The following PARL variants were observed in gnomAD, a reference collection of about 807,000 sequenced individuals.
PARL encodes presenilin-associated rhomboid-like protein, mitochondrial.
In PARL, 44 loss-of-function variants were observed where a neutral mutation model predicts 51.6. The ratio of observed to expected loss-of-function variants is 0.85; its 90% CI spans 0.67 to 1.10. The LOEUF is 1.10. Ranked by LOEUF, PARL falls within the 50% of genes least tolerant of loss-of-function variation. The probability of loss-of-function intolerance (pLI) is 0.00; values close to 1 mark genes in which losing one functional copy is unlikely to be tolerated. For synonymous variants in PARL, 172 were observed against 164.0 expected, an observed-to-expected ratio of 1.05 and a Z score of -0.37; for missense variants, 441 against 469.5, an observed-to-expected ratio of 0.94 and a Z score of 0.56.
At chr3:183,854,647 T>C (rs1339308485) in intron 4 of PARL, among the ~76,000 whole-genome samples, 1 of 151,952 alleles carries the variant, frequency 6.6e-6, no homozygotes. Context: ...GAAAAAGTTC[T>C]AGAGATTGGT....
chr3:183,829,482 G>A lies in PARL; in HGVS notation c.*116C>T, dbSNP rs962102379. The A allele has an allele frequency of 2.5e-6, 4 of 1,609,602 alleles. No individual in the cohort carries two copies. Among genetic ancestry groups the A allele is most frequent in the South Asian group, 2.2e-5 (2 of 90,608 alleles). On this transcript the variant is annotated 3_prime_UTR_variant, in exon 10 of 10. Coordinates refer to ENST00000317096, the MANE Select transcript of PARL (RefSeq NM_018622.7). ...TGGGGGACACAGCTGAAAACAGTGG[G>A]AGGCCAGATGCTGGCATCTTCCAGA... is the stretch of plus-strand genomic sequence containing the variant.
intron 3 of PARL, among the ~76,000 whole-genome samples, chr3:183,866,004 T>C (rs1490372923): frequency 6.6e-6 from 1 of 151,908 alleles, no homozygotes; most frequent in Non-Finnish European, 1.5e-5. Context: ...CTCAGCTTCC[T>C]GAGTAGCTGG....
downstream of PARL, among the ~76,000 whole-genome samples, chr3:183,826,972 AG>A (rs567278324): frequency 5.3e-5 from 8 of 152,272 alleles, no homozygotes; most frequent in East Asian, 1.4e-3. Flanking sequence ...GAGGGACGGA[AG>A]GAAGTGTAAT....
chr3:183,874,798 A>G (rs1237261002), intron 1 of PARL, among the ~76,000 whole-genome samples: 1 of 152,232 alleles, frequency 6.6e-6, no homozygotes, highest in Non-Finnish European at 1.5e-5. Context: ...CTTGCCAGAC[A>G]TGGTGGCTCA....
At position 183,832,287 on chromosome 3, in the gene PARL, C is replaced by T. The variant is rs533458955; in HGVS notation, c.1028+1205G>A. ...AGGCTGGAGTGCAGTGGCGTGATCTCGGCTCACTGCAAGCTCTGCCTTCTG... is the reference window on the plus strand; with the variant it reads ...AGGCTGGAGTGCAGTGGCGTGATCTTGGCTCACTGCAAGCTCTGCCTTCTG... On this transcript the variant is annotated intron_variant, in intron 9 of 9. Transcript: ENST00000317096. Among the ~76,000 whole-genome samples the T allele has an allele frequency of 7.0e-4, 105 of 150,960 alleles. 2 individuals are homozygous for T. In the South Asian group the frequency reaches 7.9e-3, roughly 11 times the overall value.
chr3:183,855,749 C>T (rs1048375541), intron 4 of PARL, among the ~76,000 whole-genome samples: 5 of 151,952 alleles, frequency 3.3e-5, no homozygotes, highest in East Asian at 1.9e-4. Flanking sequence ...ATAAGGAGTA[C>T]ACAACCTAGA....
intron 1 of PARL, among the ~76,000 whole-genome samples, chr3:183,870,598 T>C (rs1231952754): frequency 6.6e-6 from 1 of 152,118 alleles, no homozygotes; most frequent in Non-Finnish European, 1.5e-5. Context: ...CAGATCTCCT[T>C]GCTTCCAGTA....
At chr3:183,848,372 G>T (rs1053594949) in intron 4 of PARL, among the ~76,000 whole-genome samples, 4 of 152,156 alleles carry the variant, frequency 2.6e-5, no homozygotes, top group African/African-American at 9.7e-5. Flanking sequence ...CTCCCGAGTA[G>T]CTGGGACTAC....
chr3:183,857,276 T>G (rs1731279363), intron 4 of PARL, among the ~76,000 whole-genome samples: 3 of 152,172 alleles, frequency 2.0e-5, no homozygotes, highest in African/African-American at 7.2e-5. Context: ...CAAAAAAGCC[T>G]GATGTGCTGG....
intron 4 of PARL, among the ~76,000 whole-genome samples, chr3:183,845,921 T>A (rs1729895719): frequency 6.6e-6 from 1 of 152,116 alleles, no homozygotes; most frequent in African/African-American, 2.4e-5. Context: ...ATCATAAAGA[T>A]CGGATTGCTA....
rs758966666 is a variant in PARL, at chr3:183,829,511, G to A, written c.*87C>T. 162 of 1,612,978 alleles carry A rather than the reference G, an allele frequency of 1.0e-4. No individual in the cohort carries two copies. The highest frequency in any genetic ancestry group is 1.3e-4 in the Non-Finnish European group (156 of 1,179,878). ...CCAGATGCTGGCATCTTCCAGACGG[G>A]AGCATAGCCATGGTCACTCTAGCCG... On this transcript the variant is annotated 3_prime_UTR_variant, in exon 10 of 10. Coordinates refer to ENST00000317096, the MANE Select transcript of PARL (RefSeq NM_018622.7).
intron 5 of PARL, among the ~76,000 whole-genome samples, chr3:183,842,928 G>A (rs1577305395): frequency 6.8e-6 from 1 of 146,856 alleles, no homozygotes; most frequent in African/African-American, 2.5e-5. Flanking sequence ...GGAGTGCAGT[G>A]GCACGATCTT....
Position 183,833,496 on chromosome 3 carries a change from CAA to C in PARL, c.1022_1023del (p.Phe341TrpfsTer10), listed in dbSNP as rs1352150108. ...ATCAATTACACTCAAACTTACATTC[CAA>C]AAAGAGCTCCCCCAAGATGTGCCGC... ...DHAAHLGGAL[F>X]GIWYVTYGHE... On this transcript the variant is annotated frameshift_variant, in exon 9 of 10. Coordinates refer to ENST00000317096, the MANE Select transcript of PARL (RefSeq NM_018622.7). LOFTEE classifies it high-confidence loss of function. 2 of 1,602,498 alleles carry C rather than the reference CAA, an allele frequency of 1.2e-6. No individual in the cohort carries two copies. The highest frequency in any genetic ancestry group is 3.3e-5 in the Admixed American group (2 of 59,996).
At chr3:183,830,752 T>C (rs1459973159) in intron 9 of PARL, among the ~76,000 whole-genome samples, 2 of 152,172 alleles carry the variant, frequency 1.3e-5, no homozygotes, top group African/African-American at 4.8e-5. Context: ...GTATGTTTAA[T>C]TATAAAGGGC....
chr3:183,848,425 TAG>T (rs368433425), intron 4 of PARL, among the ~76,000 whole-genome samples: 25 of 152,280 alleles, frequency 1.6e-4, no homozygotes, highest in African/African-American at 6.0e-4. Context: ...GTATTCTTAG[TAG>T]AGACCGGGTT....
rs201012871 is a variant in PARL at position 183,884,847 on chromosome 3, C to G, written c.-1G>C. ...TCTGCGCCCAGCCTCGCCACGCCAT[C>G]TTCCCAACCTCTGCCCCACCATGGC... On this transcript the variant is annotated 5_prime_UTR_variant, in exon 1 of 10. Transcript: ENST00000317096. 20 of 1,597,262 alleles carry G rather than the reference C, an allele frequency of 1.3e-5. No individual in the cohort carries two copies. The East Asian group carries it at 4.2e-4, about 34-fold the overall frequency.
chr3:183,883,626 C>T (rs1377247735), intron 1 of PARL: 1 of 985,216 alleles, frequency 1.0e-6, no homozygotes, highest in African/African-American at 1.7e-5. Context: ...GGGATTACCA[C>T]CTCCATCTGT....
chr3:183,865,471 G>A (rs1226727110), intron 3 of PARL, among the ~76,000 whole-genome samples: 2 of 152,196 alleles, frequency 1.3e-5, no homozygotes, highest in Non-Finnish European at 2.9e-5. Context: ...AGCAGGAGGT[G>A]AGCAGTGGGA....
rs1437303672 is a variant in PARL, at chr3:183,840,729, A to C, written c.758-89T>G. The C allele has an allele frequency of 8.6e-6, 6 of 697,546 alleles. No homozygotes were observed. The East Asian group carries it at 1.7e-4, about 20-fold the overall frequency. 43.2% of individuals were successfully genotyped at this position (697,546 alleles called of 1,614,324 possible). A position where few individuals can be genotyped will look rare whatever the true frequency, so the allele number is the denominator to read the frequency against. ...CTTTTCTTTTTTTTTTTTTTGAGAC[A>C]GAGTTTCACTCTTTCGCCCCGGCTG... On this transcript the variant is annotated intron_variant, in intron 6 of 9. Coordinates refer to ENST00000317096, the MANE Select transcript of PARL (RefSeq NM_018622.7).
Sources: gnomAD v4.1 joint callset for allele counts (sites outside exome capture counted in the v4.1 genomes callset) on GRCh38, gnomAD v4.1.1 for gene constraint, MANE v1.5 for transcripts, NCBI Gene and HGNC (gene_info 2026-07-23, HGNC 2026-07-21) for gene names.